SRPX: variants seen among roughly 807,000 people sequenced by gnomAD.
The protein encoded by SRPX is sushi repeat containing protein X-linked, also known as sushi repeat-containing protein SRPX.
SRPX carries 24 observed loss-of-function variants against 38.1 expected under a neutral mutation model. That is an observed-to-expected ratio of 0.63 (90% CI 0.46 to 0.89). The LOEUF (loss-of-function observed/expected upper bound fraction) is 0.89. Ranked by LOEUF, SRPX falls within the 40% of genes least tolerant of loss-of-function variation. The pLI, the probability that SRPX is intolerant of heterozygous loss-of-function variation, is 0.00. For missense variants in SRPX, 416 were observed against 377.8 expected, an observed-to-expected ratio of 1.10 and a Z score of -0.84; for synonymous variants, 184 against 153.8, an observed-to-expected ratio of 1.20 and a Z score of -1.45.
At chrX:38,178,559 C>T (rs758706269) in intron 1 of SRPX, among the ~76,000 whole-genome samples, 9 of 111,608 alleles carry the variant, frequency 8.1e-5, no homozygotes, top group Non-Finnish European at 1.5e-4. Context: ...GCAAAATGAG[C>T]CTCAAACTGT....
chrX:38,176,784 C>T (rs1260291187), intron 2 of SRPX, among the ~76,000 whole-genome samples: 1 of 111,693 alleles, frequency 9.0e-6, no homozygotes, highest in Non-Finnish European at 1.9e-5. Context: ...CAGGGTGAGA[C>T]TCCATCTCAA....
At position 38,157,128 on chromosome X, in the gene SRPX, C is replaced by A. The variant is rs1938149140; in HGVS notation, c.956-99G>T. On this transcript the variant is annotated intron_variant, in intron 7 of 9. Coordinates refer to ENST00000378533, the MANE Select transcript of SRPX (RefSeq NM_006307.5). ...CAGAACCATTTGTGTAAGAAGTAAA[C>A]CCTGAGATAAGGATTCAAGTGTAAA... The A allele has an allele frequency of 4.9e-6, 5 of 1,025,534 alleles. No individual in the cohort carries two copies. In the East Asian group the frequency reaches 1.2e-4, roughly 25 times the overall value. 84.5% of individuals were successfully genotyped at this position (1,025,534 alleles called of 1,213,427 possible).
intron 1 of SRPX, among the ~76,000 whole-genome samples, chrX:38,192,234 T>C (rs765932421): frequency 1.3e-4 from 14 of 111,918 alleles, no homozygotes; most frequent in Non-Finnish European, 2.4e-4. Flanking sequence ...CATTTATAAA[T>C]CAGTTGCTTA....
intron 1 of SRPX, among the ~76,000 whole-genome samples, chrX:38,213,823 A>G (rs1309785851): frequency 9.0e-6 from 1 of 111,669 alleles, no homozygotes; most frequent in African/African-American, 3.3e-5. Flanking sequence ...GGAGCGAGAG[A>G]GAGGAAGGAG....
chrX:38,191,945 G>T (rs1246853049), intron 1 of SRPX, among the ~76,000 whole-genome samples: 1 of 112,194 alleles, frequency 8.9e-6, no homozygotes, highest in Non-Finnish European at 1.9e-5. Flanking sequence ...TAACACACTA[G>T]TTTTTTACAG....
chrX:38,156,897 T>TGCA lies in SRPX; in HGVS notation c.1085_1087dup (p.Leu362dup). On this transcript the variant is annotated inframe_insertion and splice_region_variant, in exon 8 of 10. Coordinates refer to ENST00000378533, the MANE Select transcript of SRPX (RefSeq NM_006307.5). ...CTTGGCCCTGCCTCGAGGACTCACC[T>TGCA]GCAGCATTCCTAGCTGGAGCCGGTA... is the stretch of plus-strand genomic sequence containing the variant. 2.5e-6 allele frequency: 3 copies of TGCA among 1,210,542 alleles called. No individual in the cohort carries two copies. The highest frequency in any genetic ancestry group is 3.4e-6 in the Non-Finnish European group (3 of 894,959).
At chrX:38,174,935 G>T (rs757009808) in intron 2 of SRPX, among the ~76,000 whole-genome samples, 1 of 111,439 alleles carries the variant, frequency 9.0e-6, no homozygotes, top group Non-Finnish European at 1.9e-5. Context: ...TATAAATTTC[G>T]CTTAAAGTCA....
At chrX:38,197,025 T>A (rs1193268335) in intron 1 of SRPX, among the ~76,000 whole-genome samples, 1 of 112,158 alleles carries the variant, frequency 8.9e-6, no homozygotes, top group Non-Finnish European at 1.9e-5. Context: ...GTTTGAGAAC[T>A]GTCTACCTCA....
intron 7 of SRPX, among the ~76,000 whole-genome samples, chrX:38,157,923 C>T (rs1938162872): frequency 8.9e-6 from 1 of 112,462 alleles, no homozygotes; most frequent in Non-Finnish European, 1.9e-5. Context: ...GGGGCACTAA[C>T]TCTCCATCAC....
intron 4 of SRPX, among the ~76,000 whole-genome samples, chrX:38,165,809 A>T (rs1938356439): frequency 8.9e-6 from 1 of 112,008 alleles, no homozygotes; most frequent in African/African-American, 3.2e-5. Flanking sequence ...ATGTTCTGGG[A>T]CAGCAGTTTT....
chrX:38,206,100 T>G (rs1162674790), intron 1 of SRPX, among the ~76,000 whole-genome samples: 1 of 113,042 alleles, frequency 8.8e-6, no homozygotes, highest in Non-Finnish European at 1.9e-5. Context: ...TAGCTTTGGC[T>G]TTTGTCCACT....
chrX:38,171,954 G>A lies in SRPX; in HGVS notation c.453C>T (p.Tyr151=). The change falls in exon 4 of 10, where the codon TAC becomes TAT. Residue 151 remains tyrosine, a synonymous_variant. Coordinates refer to ENST00000378533, the MANE Select transcript of SRPX (RefSeq NM_006307.5). ...SRCEYYCSPG[Y]TLKGERTVTC... ...TGACGGTCCGCTCCCCTTTCAACGT[G>A]TATCCTGGTGAACAATAATACTCAC... The A allele has an allele frequency of 8.3e-7, 1 of 1,211,484 alleles. No homozygotes were observed. Among genetic ancestry groups the A allele is most frequent in the South Asian group, 1.8e-5 (1 of 56,967 alleles).
At chrX:38,186,022 C>T (rs187186326) in intron 1 of SRPX, among the ~76,000 whole-genome samples, 15 of 111,027 alleles carry the variant, frequency 1.4e-4, no homozygotes, top group Non-Finnish European at 1.7e-4. Context: ...GCATTCATAA[C>T]CTTTTGTAAC....
At chrX:38,218,015 C>T (rs911151204) in intron 1 of SRPX, among the ~76,000 whole-genome samples, 3 of 112,171 alleles carry the variant, frequency 2.7e-5, no homozygotes, top group African/African-American at 9.7e-5. Flanking sequence ...CTAGCCTGTT[C>T]CCGGTGACAC....
chrX:38,192,899 T>C (rs1938934321), intron 1 of SRPX, among the ~76,000 whole-genome samples: 1 of 112,587 alleles, frequency 8.9e-6, no homozygotes, highest in Non-Finnish European at 1.9e-5. Context: ...TTGCCAAAAA[T>C]TGAGTCTTTC....
At chrX:38,194,877 T>G (rs1363994169) in intron 1 of SRPX, among the ~76,000 whole-genome samples, 6 of 89,503 alleles carry the variant, frequency 6.7e-5, no homozygotes, top group Non-Finnish European at 8.8e-5. Flanking sequence ...TTTTTTTTTT[T>G]TTTTTTTTTT....
chrX:38,179,785 C>T (rs1360077197), intron 1 of SRPX, among the ~76,000 whole-genome samples: 1 of 111,688 alleles, frequency 9.0e-6, no homozygotes, highest in Admixed American at 9.5e-5. Context: ...TACAAAATTA[C>T]AAACTATTCA....
chrX:38,217,876 A>T (rs968553947), intron 1 of SRPX, among the ~76,000 whole-genome samples: 5 of 112,277 alleles, frequency 4.5e-5, no homozygotes. Flanking sequence ...ACAACATTGT[A>T]CTGTACTGAA....
chrX:38,174,390 A>G (rs752150010), intron 2 of SRPX, 39 bp from the exon 3 acceptor site: 146 of 974,126 alleles, frequency 1.5e-4, no homozygotes, highest in Non-Finnish European at 1.8e-4. Flanking sequence ...TAAATATGAA[A>G]TGACACTTTC....
Sources: allele counts gnomAD v4.1 joint callset (sites outside exome capture counted in the v4.1 genomes callset), GRCh38; gene constraint gnomAD v4.1.1; transcripts MANE v1.5; gene names NCBI Gene and HGNC (gene_info 2026-07-23, HGNC 2026-07-21).